Variants in ADAM9 observed in about 807,000 individuals in gnomAD.
The protein encoded by ADAM9 is ADAM metallopeptidase domain 9.
ADAM9 carries 54 observed loss-of-function variants against 108.1 expected under a neutral mutation model. That is an observed-to-expected ratio of 0.50 (90% CI 0.40 to 0.63). The LOEUF is 0.63. Among genes scored for constraint, ADAM9 ranks in the 20% least tolerant of loss-of-function variants. The pLI is 0.00. For missense variants in ADAM9, 830 were observed against 997.7 expected, an observed-to-expected ratio of 0.83 and a Z score of 2.26; for synonymous variants, 316 against 336.0, an observed-to-expected ratio of 0.94 and a Z score of 0.65.
rs373033544 is a variant in ADAM9, at chr8:38,997,090, G to C, written c.27G>C (p.Ser9=). ...TGGGGTCTGGCGCGCGCTTTCCCTC[G>C]GGGACCCTTCGTGTCCGGTGGTTGC... The part of the protein sequence containing the change: MGSGARFP[S]GTLRVRWLLL... Residue 9 remains serine, a synonymous_variant, in exon 1 of 22, where the codon TCG becomes TCC. Coordinates refer to ENST00000487273, the MANE Select transcript of ADAM9 (RefSeq NM_003816.3). 3 of 1,607,454 alleles carry C rather than the reference G, an allele frequency of 1.9e-6. No individual in the cohort carries two copies. Among genetic ancestry groups the C allele is most frequent in the Non-Finnish European group, 2.5e-6 (3 of 1,179,576 alleles).
At chr8:39,018,758 G>C in intron 6 of ADAM9, 95 bp from the exon 7 acceptor site, 3 of 1,091,910 alleles carry the variant, frequency 2.7e-6, no homozygotes, top group Non-Finnish European at 4.2e-6. Flanking sequence ...ATTTTATGAT[G>C]TTCTTAGCAG....
At chr8:39,089,896 A>T in intron 18 of ADAM9, 151 bp from the exon 19 acceptor site, 1 of 840,202 alleles carries the variant, frequency 1.2e-6, no homozygotes, top group East Asian at 2.6e-5. Context: ...GCGGACAGGA[A>T]TGAACTTTGT....
At chr8:39,011,572 G>A in intron 2 of ADAM9, 86 bp from the exon 3 acceptor site, 1 of 1,239,056 alleles carries the variant, frequency 8.1e-7, no homozygotes, top group Non-Finnish European at 1.2e-6. Flanking sequence ...ATTCAGGATG[G>A]AATTTCCTGC....
chr8:39,004,424 A>G (rs982103177), intron 1 of ADAM9, among the ~76,000 whole-genome samples: 2 of 152,134 alleles, frequency 1.3e-5, no homozygotes, highest in African/African-American at 2.4e-5. Context: ...TCTGTTGCTC[A>G]GGCTGGTCTT....
Position 38,996,982 on chromosome 8 carries a change from G to C in ADAM9, c.-82G>C, listed in dbSNP as rs1175832836. ...CGCGCGCTTCCCGGCCAGACTTGGG[G>C]CCCCGGCAGGGTTGGAAAATGATGG... is the stretch of plus-strand genomic sequence containing the variant. On this transcript the variant is annotated 5_prime_UTR_variant, in exon 1 of 22. Transcript: ENST00000487273. The C allele has an allele frequency of 1.5e-5, 23 of 1,536,018 alleles. No homozygotes were observed. The Admixed American group carries it at 1.9e-4, about 13-fold the overall frequency.
At chr8:39,102,378 G>A (rs1839728115) in intron 21 of ADAM9, among the ~76,000 whole-genome samples, 1 of 152,136 alleles carries the variant, frequency 6.6e-6, no homozygotes. Flanking sequence ...CCAGCTTTGG[G>A]GGCCACTTTT....
At chr8:39,045,127 C>CATACATACATATGTGTGTGT (rs1564297880) in intron 12 of ADAM9, among the ~76,000 whole-genome samples, 1 of 49,540 alleles carries the variant, frequency 2.0e-5, no homozygotes, top group Non-Finnish European at 3.7e-5. Context: ...TGTGTGTGTG[C>CATACATACATATGTGTGTGT]ATACATACAT....
rs1837631790 is a variant in ADAM9, at chr8:39,045,142, GTGTATATATGTGTATA to G, written c.1302+3026_1302+3041del. Reference sequence around the variant, plus strand: ...TGTGTGTGTGCATACATACATATATGTGTATATATGTGTATACATACATATATGTGTATATATGTGT... The same window carrying G: ...TGTGTGTGTGCATACATACATATATGCATACATATATGTGTATATATGTGT... On this transcript the variant is annotated intron_variant, in intron 12 of 21. Coordinates refer to ENST00000487273, the MANE Select transcript of ADAM9 (RefSeq NM_003816.3). Among the ~76,000 whole-genome samples, 4 of 112,738 alleles carry G rather than the reference GTGTATATATGTGTATA, an allele frequency of 3.5e-5. No individual in the cohort carries two copies. The Admixed American group carries it at 3.6e-4, about 10-fold the overall frequency. 74.0% of individuals were successfully genotyped at this position (112,738 alleles called of 152,430 possible).
At chr8:39,053,807 C>A (rs1450074605) in intron 12 of ADAM9, among the ~76,000 whole-genome samples, 1 of 151,968 alleles carries the variant, frequency 6.6e-6, no homozygotes, top group Non-Finnish European at 1.5e-5. Context: ...GAAGTTAGAC[C>A]CTGAGCATGA....
chr8:39,055,644 G>T lies in ADAM9; in HGVS notation c.1463G>T (p.Gly488Val). The T allele has an allele frequency of 6.2e-7, 1 of 1,613,724 alleles. No individual in the cohort carries two copies. Among genetic ancestry groups the T allele is most frequent in the South Asian group, 1.1e-5 (1 of 91,060 alleles). Residue 488 changes from glycine (G) to valine (V), a missense_variant, in exon 14 of 22, where the codon GGT (glycine) becomes GTT (valine). Coordinates refer to ENST00000487273, the MANE Select transcript of ADAM9 (RefSeq NM_003816.3). ...TGTGATGTTCCAGAGTACTGCAATG[G>T]TTCTTCTCAGTTCTGTCAGCCAGAT... ...SECDVPEYCN[G>V]SSQFCQPDVF...
intron 18 of ADAM9, among the ~76,000 whole-genome samples, chr8:39,084,517 GTTATC>G (rs1427774359): frequency 1.3e-5 from 2 of 150,322 alleles, no homozygotes; most frequent in African/African-American, 2.4e-5. Flanking sequence ...GGATTTTTTA[GTTATC>G]TTAATGTTAC....
chr8:39,050,159 A>T (rs968708133), intron 12 of ADAM9, among the ~76,000 whole-genome samples: 1 of 152,060 alleles, frequency 6.6e-6, no homozygotes, highest in African/African-American at 2.4e-5. Flanking sequence ...CTTGTATGTG[A>T]TGAATTGCTT....
At chr8:39,097,553 G>A (rs1311115421) in intron 20 of ADAM9, among the ~76,000 whole-genome samples, 3 of 152,016 alleles carry the variant, frequency 2.0e-5, no homozygotes, top group South Asian at 4.2e-4. Context: ...TGATCCGCCC[G>A]CCCTGGCCTC....
rs1564301265 is a variant in ADAM9, at chr8:39,045,387, T to TGTGTCTACACACACCTATATGTGC, written c.1302+3274_1302+3275insCTACACACACCTATATGTGCGTGT. Reference sequence around the variant, plus strand: ...AGGTGTGTGTACATACACCTATAGGTGTGTGTACACACACCTATATGTGCG... The same window carrying TGTGTCTACACACACCTATATGTGC: ...AGGTGTGTGTACATACACCTATAGGTGTGTCTACACACACCTATATGTGCGTGTGTACACACACCTATATGTGCG... On this transcript the variant is annotated intron_variant, in intron 12 of 21. Transcript: ENST00000487273. Among the ~76,000 whole-genome samples the TGTGTCTACACACACCTATATGTGC allele has an allele frequency of 1.4e-3, 65 of 46,702 alleles. 15 individuals are homozygous for TGTGTCTACACACACCTATATGTGC. The highest frequency in any genetic ancestry group is 1.6e-3 in the African/African-American group (26 of 16,326). 30.6% of individuals were successfully genotyped at this position (46,702 alleles called of 152,430 possible). A position where few individuals can be genotyped will look rare whatever the true frequency, so the allele number is the denominator to read the frequency against.
rs2129438810 is a variant in ADAM9 at position 39,055,692 on chromosome 8, C to G, written c.1511C>G (p.Pro504Arg). ...QPDVFIQNGY[P>R]CQNNKAYCYN... ...GATGTTTTTATTCAGAATGGATATC[C>G]TTGCCAGAATAACAAAGCCTATTGC... Residue 504 changes from proline (P) to arginine (R), a missense_variant, in exon 14 of 22, where the codon CCT (proline) becomes CGT (arginine). Physicochemically the swap from Pro to Arg is moderately radical, Grantham distance 103. Coordinates refer to ENST00000487273, the MANE Select transcript of ADAM9 (RefSeq NM_003816.3). 1 of 1,613,732 alleles carries G rather than the reference C, an allele frequency of 6.2e-7. No homozygotes were observed. Among genetic ancestry groups the G allele is most frequent in the South Asian group, 1.1e-5 (1 of 91,052 alleles).
At chr8:39,067,215 G>A (rs1588404892) in intron 14 of ADAM9, among the ~76,000 whole-genome samples, 2 of 152,152 alleles carry the variant, frequency 1.3e-5, no homozygotes, top group Non-Finnish European at 2.9e-5. Context: ...TTTTGGCTTA[G>A]GATTGACTTG....
chr8:39,044,462 T>C (rs900175441), intron 12 of ADAM9, among the ~76,000 whole-genome samples: 1 of 152,154 alleles, frequency 6.6e-6, no homozygotes. Flanking sequence ...TTTATTTTAT[T>C]TTAGATTCAG....
rs1223995431 is a variant in ADAM9, at chr8:39,104,106, A to T, written c.*406A>T. On this transcript the variant is annotated 3_prime_UTR_variant, in exon 22 of 22. Coordinates refer to ENST00000487273, the MANE Select transcript of ADAM9 (RefSeq NM_003816.3). ...TCATTAATGTAGTTCCTCATTGAAC[A>T]TGTGATAATCTAATACCTGTGAAAA... is the stretch of plus-strand genomic sequence containing the variant. 1 of 456,898 alleles carries T rather than the reference A, an allele frequency of 2.2e-6. No individual in the cohort carries two copies. Among genetic ancestry groups the T allele is most frequent in the Non-Finnish European group, 4.4e-6 (1 of 228,782 alleles). 28.3% of individuals were successfully genotyped at this position (456,898 alleles called of 1,614,324 possible). A position where few individuals can be genotyped will look rare whatever the true frequency, so the allele number is the denominator to read the frequency against.
chr8:39,081,335 C>T lies in ADAM9; in HGVS notation c.1882-1306C>T, dbSNP rs770099431. On this transcript the variant is annotated intron_variant, in intron 16 of 21. Coordinates refer to ENST00000487273, the MANE Select transcript of ADAM9 (RefSeq NM_003816.3). Reference sequence around the variant, plus strand: ...AACACTGCCAATCAGAACACCCTTTCTCTGGAGGACTTGGAATTTTCCTGC... The same window carrying T: ...AACACTGCCAATCAGAACACCCTTTTTCTGGAGGACTTGGAATTTTCCTGC... Among the ~76,000 whole-genome samples, 53 of 152,184 alleles carry T rather than the reference C, an allele frequency of 3.5e-4. 1 individual carries two copies. The highest frequency in any genetic ancestry group is 7.1e-4 in the Non-Finnish European group (48 of 68,032).
Sources: allele counts gnomAD v4.1 joint callset (sites outside exome capture counted in the v4.1 genomes callset), GRCh38; gene constraint gnomAD v4.1.1; transcripts MANE v1.5; gene names NCBI Gene and HGNC (gene_info 2026-07-23, HGNC 2026-07-21).